COL27A1: variants seen among roughly 807,000 people sequenced by gnomAD.
The protein encoded by COL27A1 is collagen alpha-1(XXVII) chain.
A neutral mutation model predicts 251.3 loss-of-function variants in COL27A1; 106 were observed. The ratio of observed to expected loss-of-function variants is 0.42; its 90% CI spans 0.36 to 0.50. The LOEUF is 0.50. Among genes scored for constraint, COL27A1 ranks in the 20% least tolerant of loss-of-function variants. The pLI, the probability that COL27A1 is intolerant of heterozygous loss-of-function variation, is 0.00. For synonymous variants in COL27A1, 1,000 were observed against 986.3 expected (o/e 1.01, Z -0.26); for missense variants, 2,325 against 2,522.8 (o/e 0.92, Z 1.68).
intron 28 of COL27A1, among the ~76,000 whole-genome samples, chr9:114,259,313 G>A (rs934215514): frequency 7.6e-4 from 115 of 152,278 alleles, no homozygotes; most frequent in Non-Finnish European, 4.0e-4. Flanking sequence ...GAGGCTGCAG[G>A]GGGTTTTAAA....
intron 45 of COL27A1, among the ~76,000 whole-genome samples, 174 bp from the exon 46 acceptor site, chr9:114,289,884 G>A (rs1827786373): frequency 6.6e-6 from 1 of 152,188 alleles, no homozygotes; most frequent in Non-Finnish European, 1.5e-5. Context: ...GACAGCCCCA[G>A]GAGGTTCCAA....
chr9:114,241,973 C>A (rs1239110209), intron 21 of COL27A1, among the ~76,000 whole-genome samples: 1 of 152,210 alleles, frequency 6.6e-6, no homozygotes, highest in East Asian at 1.9e-4. Context: ...AGTCTCCATT[C>A]ACTGGAAGTC....
chr9:114,251,193 G>A (rs1311415788), intron 25 of COL27A1, among the ~76,000 whole-genome samples: 1 of 152,144 alleles, frequency 6.6e-6, no homozygotes, highest in Admixed American at 6.5e-5. Context: ...CTCCCACCAA[G>A]GGCCTTGGAG....
Position 114,310,805 on chromosome 9 carries a change from G to A in COL27A1, c.*110G>A, listed in dbSNP as rs1374432102. 1 of 1,204,968 alleles carries A rather than the reference G, an allele frequency of 8.3e-7. No individual in the cohort carries two copies. The highest frequency in any genetic ancestry group is 1.2e-6 in the Non-Finnish European group (1 of 852,856). The allele number at this position is 1,204,968 out of a possible 1,614,324, so 74.6% of individuals were successfully genotyped here. On this transcript the variant is annotated 3_prime_UTR_variant, in exon 61 of 61. Coordinates refer to ENST00000356083, the MANE Select transcript of COL27A1 (RefSeq NM_032888.4). ...AGGAGAGGCAGCTCCCCTGCCCAAG[G>A]GTCCTTGGGCAGACCCCAGCTGTTG...
At chr9:114,291,528 C>T (rs1827916265) in intron 48 of COL27A1, among the ~76,000 whole-genome samples, 4 of 152,140 alleles carry the variant, frequency 2.6e-5, no homozygotes, top group African/African-American at 9.7e-5. Context: ...GCTGGCGAAT[C>T]ACTTGAGGTC....
At chr9:114,231,208 G>A in intron 15 of COL27A1, 76 bp downstream of exon 15, 2 of 1,387,124 alleles carry the variant, frequency 1.4e-6, no homozygotes, top group South Asian at 2.4e-5. Context: ...CCAGAAGGAA[G>A]GGTGACCTTA....
chr9:114,211,126 T>A (rs773789081), intron 12 of COL27A1, 100 bp downstream of exon 12: 2 of 1,246,628 alleles, frequency 1.6e-6, no homozygotes, highest in Non-Finnish European at 1.2e-6. Context: ...CTTCTGCTTC[T>A]CCCCCTGCTT....
intron 17 of COL27A1, 79 bp downstream of exon 17, chr9:114,235,731 G>A (rs1262715517): frequency 6.3e-6 from 7 of 1,110,802 alleles, no homozygotes; most frequent in Non-Finnish European, 9.7e-6. Context: ...CCTTCCTAGG[G>A]TCCATCATGA....
intron 41 of COL27A1, among the ~76,000 whole-genome samples, chr9:114,286,167 G>A (rs1827466909): frequency 6.6e-6 from 1 of 152,158 alleles, no homozygotes; most frequent in Non-Finnish European, 1.5e-5. Context: ...AAAATAGGGC[G>A]AGTCCCATGA....
At chr9:114,245,988 C>T (rs977822155) in intron 24 of COL27A1, 78 bp downstream of exon 24, 1 of 1,204,752 alleles carries the variant, frequency 8.3e-7, no homozygotes, top group African/African-American at 1.5e-5. Context: ...TGCCCAGCAC[C>T]CTCCATGCAC....
At chr9:114,300,968 C>T (rs906142121) in intron 51 of COL27A1, 104 bp from the exon 52 acceptor site, 5 of 1,136,884 alleles carry the variant, frequency 4.4e-6, no homozygotes, top group Non-Finnish European at 6.3e-6. Flanking sequence ...CAGATGGTCT[C>T]CCTTCTACTC....
intron 7 of COL27A1, among the ~76,000 whole-genome samples, chr9:114,199,244 C>A (rs2135267707): frequency 6.6e-6 from 1 of 152,244 alleles, no homozygotes; most frequent in South Asian, 2.1e-4. Context: ...TTGGCCATTA[C>A]CTACAACTGG....
chr9:114,158,444 G>T (rs980794136), intron 1 of COL27A1, among the ~76,000 whole-genome samples: 14 of 152,224 alleles, frequency 9.2e-5, no homozygotes, highest in African/African-American at 3.1e-4. Flanking sequence ...AAACACCTGG[G>T]TTTCCTCTTT....
At chr9:114,209,427 G>A in intron 10 of COL27A1, 1 of 757,118 alleles carries the variant, frequency 1.3e-6, no homozygotes, top group Non-Finnish European at 2.5e-6. Flanking sequence ...GCGAGCGCCT[G>A]CGCCCTTCCC....
At chr9:114,254,756 C>T (rs1311423404) in intron 27 of COL27A1, among the ~76,000 whole-genome samples, 2 of 152,224 alleles carry the variant, frequency 1.3e-5, no homozygotes, top group African/African-American at 4.8e-5. Context: ...TCAGCTCCTA[C>T]ACTTTTTCAT....
intron 27 of COL27A1, among the ~76,000 whole-genome samples, chr9:114,256,814 C>T (rs777254646): frequency 1.3e-5 from 2 of 152,238 alleles, no homozygotes; most frequent in African/African-American, 4.8e-5. Context: ...AGCCCGGGTT[C>T]TCCAGTGCTA....
rs767232790 is a variant in COL27A1, at chr9:114,169,002, C to A, written c.1447C>A (p.Pro483Thr). 1 of 1,614,182 alleles carries A rather than the reference C, an allele frequency of 6.2e-7. No individual in the cohort carries two copies. Among genetic ancestry groups the A allele is most frequent in the South Asian group, 1.1e-5 (1 of 91,084 alleles). ...CCGCACCAGCACCCACAAACCTCCC[C>A]CATTTACTGCTTTATCCTCATCTCC... ...SARTSTHKPP[P>T]FTALSSSPAP... The change falls in exon 3 of 61, where the codon CCA (proline) becomes ACA (threonine). Residue 483 changes from proline (P) to threonine (T), a missense_variant. Pro to Thr is a conservative substitution (Grantham distance 38). Coordinates refer to ENST00000356083, the MANE Select transcript of COL27A1 (RefSeq NM_032888.4).
intron 54 of COL27A1, 67 bp downstream of exon 54, chr9:114,301,529 G>A (rs1283683220): frequency 1.9e-6 from 3 of 1,574,682 alleles, no homozygotes; most frequent in Non-Finnish European, 2.6e-6. Flanking sequence ...TCTCCTCCCG[G>A]TGGTACATTC....
chr9:114,243,891 G>A (rs1051904607), intron 23 of COL27A1, among the ~76,000 whole-genome samples: 5 of 151,868 alleles, frequency 3.3e-5, no homozygotes, highest in Admixed American at 6.6e-5. Context: ...CCTGTGGCAG[G>A]GGCTGGGTTG....
Sources: gnomAD v4.1 joint callset for allele counts (sites outside exome capture counted in the v4.1 genomes callset) on GRCh38, gnomAD v4.1.1 for gene constraint, MANE v1.5 for transcripts, NCBI Gene and HGNC (gene_info 2026-07-23, HGNC 2026-07-21) for gene names.